CLEC16A: variants seen among roughly 807,000 people sequenced by gnomAD.
CLEC16A encodes the protein C-type lectin domain containing 16A.
A neutral mutation model predicts 109.5 loss-of-function variants in CLEC16A; 51 were observed. The ratio of observed to expected loss-of-function variants is 0.47; its 90% CI spans 0.37 to 0.59. The LOEUF is 0.59. Ranked by LOEUF, CLEC16A falls within the 20% of genes least tolerant of loss-of-function variation. The pLI is 0.00. For missense variants in CLEC16A, 1,339 were observed against 1,394.0 expected (o/e 0.96, Z 0.63); for synonymous variants, 673 against 564.2 (o/e 1.19, Z -2.73).
intron 16 of CLEC16A, 112 bp downstream of exon 16, chr16:11,044,184 C>A: frequency 1.2e-6 from 1 of 844,214 alleles, no homozygotes; most frequent in Non-Finnish European, 1.7e-6. Context: ...TTTTTTATGC[C>A]TATAATTACT....
At chr16:11,024,983 C>A in intron 13 of CLEC16A, 62 bp downstream of exon 13, 2 of 1,173,216 alleles carry the variant, frequency 1.7e-6, no homozygotes, top group South Asian at 1.3e-5. Context: ...GCATCCTTCC[C>A]CTCTGCTGCA....
chr16:11,088,990 C>T (rs771723842), intron 19 of CLEC16A, among the ~76,000 whole-genome samples: 2 of 152,180 alleles, frequency 1.3e-5, no homozygotes, highest in Non-Finnish European at 2.9e-5. Context: ...CCACAGTACC[C>T]CCTTTCCCCC....
At chr16:10,999,081 C>T (rs753998450) in intron 10 of CLEC16A, among the ~76,000 whole-genome samples, 1 of 152,150 alleles carries the variant, frequency 6.6e-6, no homozygotes, top group Non-Finnish European at 1.5e-5. Context: ...ATGACCCCTG[C>T]TGAATTTGTA....
At chr16:11,036,423 A>T (rs1477821768) in intron 13 of CLEC16A, among the ~76,000 whole-genome samples, 1 of 151,882 alleles carries the variant, frequency 6.6e-6, no homozygotes, top group Non-Finnish European at 1.5e-5. Flanking sequence ...TTAGGATCCA[A>T]CCTGAGCAGC....
chr16:11,114,926 G>A (rs2051869939), intron 19 of CLEC16A, among the ~76,000 whole-genome samples: 1 of 152,240 alleles, frequency 6.6e-6, no homozygotes, highest in Admixed American at 6.5e-5. Context: ...TCTCACTGGT[G>A]TGGCCGCATT....
At chr16:11,153,597 T>G (rs1448225197) in intron 22 of CLEC16A, among the ~76,000 whole-genome samples, 1 of 150,896 alleles carries the variant, frequency 6.6e-6, no homozygotes, top group Non-Finnish European at 1.5e-5. Flanking sequence ...AAGTTGCCTG[T>G]AATGCAGAAT....
At chr16:10,993,415 C>G (rs143015422) in intron 10 of CLEC16A, among the ~76,000 whole-genome samples, 5 of 152,230 alleles carry the variant, frequency 3.3e-5, no homozygotes, top group African/African-American at 1.2e-4. Flanking sequence ...TTGTTTGTCT[C>G]ATTGAACATC....
At chr16:10,972,260 G>A (rs1332484591) in intron 5 of CLEC16A, among the ~76,000 whole-genome samples, 3 of 152,254 alleles carry the variant, frequency 2.0e-5, no homozygotes, top group Non-Finnish European at 4.4e-5. Context: ...CACAGAAGCA[G>A]CTGCCCCTTT....
intron 22 of CLEC16A, among the ~76,000 whole-genome samples, chr16:11,135,684 G>C (rs768888832): frequency 2.0e-5 from 3 of 152,242 alleles, no homozygotes; most frequent in East Asian, 3.8e-4. Flanking sequence ...GCAGTAGGTG[G>C]GGGGAGAGAA....
At chr16:11,158,969 C>T (rs1025857450) in intron 22 of CLEC16A, among the ~76,000 whole-genome samples, 6 of 151,238 alleles carry the variant, frequency 4.0e-5, no homozygotes, top group African/African-American at 9.7e-5. Context: ...TGCATACAAA[C>T]GGCTCACAAG....
chr16:11,041,986 T>C (rs2047361634), intron 14 of CLEC16A: 3 of 425,276 alleles, frequency 7.1e-6, no homozygotes, highest in Admixed American at 3.9e-5. Context: ...CAACAGTGTT[T>C]AGTCACCCTC....
Position 10,957,890 on chromosome 16 carries a change from A to G in CLEC16A, c.189A>G (p.Gln63=), listed in dbSNP as rs758104923. The G allele has an allele frequency of 3.1e-6, 5 of 1,613,832 alleles. No homozygotes were observed. The highest frequency in any genetic ancestry group is 1.1e-5 in the South Asian group (1 of 91,076). The change falls in exon 2 of 24, where the codon CAA becomes CAG. Residue 63 remains glutamine (Q), a synonymous_variant. Transcript: ENST00000409790. The part of the protein sequence containing the change: ...SITEILIWGD[Q]NDSSVFDFFL... ...CTGAGATCCTGATCTGGGGAGATCA[A>G]AATGACAGCTCTGTATTTGAGTAAG... is the stretch of plus-strand genomic sequence containing the variant.
chr16:11,013,175 C>T (rs905890463), intron 11 of CLEC16A, among the ~76,000 whole-genome samples: 5 of 152,182 alleles, frequency 3.3e-5, no homozygotes, highest in Non-Finnish European at 7.3e-5. Context: ...GACTGGGAAT[C>T]AGTTTTTTTC....
chr16:11,110,564 A>G (rs1050406145), intron 19 of CLEC16A, among the ~76,000 whole-genome samples: 3 of 152,230 alleles, frequency 2.0e-5, no homozygotes, highest in Non-Finnish European at 4.4e-5. Flanking sequence ...AAACATGAGT[A>G]CCTTAGGCAG....
intron 19 of CLEC16A, among the ~76,000 whole-genome samples, chr16:11,069,108 C>T (rs891847340): frequency 2.0e-5 from 3 of 151,416 alleles, no homozygotes; most frequent in African/African-American, 4.9e-5. Context: ...GCTGGGATTA[C>T]AGGCATGAGC....
At chr16:11,151,149 G>A (rs906094761) in intron 22 of CLEC16A, among the ~76,000 whole-genome samples, 1 of 152,230 alleles carries the variant, frequency 6.6e-6, no homozygotes, top group Admixed American at 6.5e-5. Context: ...GAATTTGCCA[G>A]ATTTTACTTA....
intron 22 of CLEC16A, among the ~76,000 whole-genome samples, chr16:11,135,016 C>G (rs939969084): frequency 6.6e-6 from 1 of 152,244 alleles, no homozygotes; most frequent in Admixed American, 6.5e-5. Context: ...CACTTCCAAA[C>G]CAGGCTAGCG....
chr16:11,076,562 G>C (rs1231199645), intron 19 of CLEC16A, among the ~76,000 whole-genome samples: 1 of 152,150 alleles, frequency 6.6e-6, no homozygotes, highest in Non-Finnish European at 1.5e-5. Flanking sequence ...CTTCCCCAGT[G>C]AACCCAGCCA....
chr16:11,077,715 G>C (rs2049459624), intron 19 of CLEC16A, among the ~76,000 whole-genome samples: 1 of 152,186 alleles, frequency 6.6e-6, no homozygotes. Flanking sequence ...GAGGGTGTGA[G>C]GGGTCTCTGT....
Sources: allele counts gnomAD v4.1 joint callset (sites outside exome capture counted in the v4.1 genomes callset), GRCh38; gene constraint gnomAD v4.1.1; transcripts MANE v1.5; gene names NCBI Gene and HGNC (gene_info 2026-07-23, HGNC 2026-07-21).